The following EYS variants were observed in gnomAD, a reference collection of about 807,000 sequenced individuals.
EYS encodes the protein protein eyes shut homolog.
Under a neutral mutation model 282.1 loss-of-function variants are expected in EYS, and 250 were observed. The ratio of observed to expected loss-of-function variants is 0.89; its 90% confidence interval spans 0.80 to 0.98. The LOEUF (loss-of-function observed/expected upper bound fraction) is 0.98. Ranked by LOEUF, EYS falls within the 50% of genes least tolerant of loss-of-function variation. The pLI, the probability that EYS is intolerant of heterozygous loss-of-function variation, is 0.00. For synonymous variants in EYS, 1,355 were observed against 1,282.9 expected (o/e 1.06, Z -1.20); for missense variants, 4,016 against 3,709.0 (o/e 1.08, Z -2.15).
Position 64,113,767 on chromosome 6 carries a change from G to T in EYS, c.6425-31765C>A, listed in dbSNP as rs900973513. Among the ~76,000 whole-genome samples, 3 of 152,032 alleles carry T rather than the reference G, an allele frequency of 2.0e-5. No individual in the cohort carries two copies. The South Asian group carries it at 6.2e-4, about 32-fold the overall frequency. On this transcript the variant is annotated intron_variant, in intron 31 of 42. Transcript: ENST00000503581. ...GTACCGTATTTTAAATGTTATAATG[G>T]CTATATTCTTTTATATTTCAACTAG...
chr6:63,831,240 C>T (rs938409235), intron 36 of EYS, among the ~76,000 whole-genome samples: 1 of 152,214 alleles, frequency 6.6e-6, no homozygotes, highest in East Asian at 1.9e-4. Flanking sequence ...TGTAAATGGG[C>T]TAAATGCCCC....
In EYS at chr6:64,438,175, C is replaced by G. The variant is rs546123731; in HGVS notation, c.5835+987G>C. Among the ~76,000 whole-genome samples the G allele has an allele frequency of 1.8e-4, 27 of 151,732 alleles. No homozygotes were observed. The South Asian group carries it at 4.6e-3, about 26-fold the overall frequency. On this transcript the variant is annotated intron_variant, in intron 27 of 42. Coordinates refer to ENST00000503581, the MANE Select transcript of EYS (RefSeq NM_001142800.2). ...CATAACCTTGGACTTTTGAAAGGTTCTTATAACACTTACCAAGTGCAAAGT... is the reference window on the plus strand; with the variant it reads ...CATAACCTTGGACTTTTGAAAGGTTGTTATAACACTTACCAAGTGCAAAGT...
chr6:64,643,621 T>A (rs1231852173), intron 22 of EYS, among the ~76,000 whole-genome samples: 2 of 152,156 alleles, frequency 1.3e-5, no homozygotes, highest in Non-Finnish European at 2.9e-5. Flanking sequence ...CATCTTGAAT[T>A]GTAACTTCCA....
chr6:64,294,858 T>C (rs893799730), intron 30 of EYS, among the ~76,000 whole-genome samples: 19 of 152,182 alleles, frequency 1.2e-4, no homozygotes, highest in Admixed American at 1.0e-3. Flanking sequence ...ATGAATTACA[T>C]GCCTTTTTAA....
chr6:65,506,282 G>T (rs1225476252), intron 2 of EYS, among the ~76,000 whole-genome samples: 1 of 151,764 alleles, frequency 6.6e-6, no homozygotes, highest in South Asian at 2.1e-4. Context: ...TCTCCACTCT[G>T]ATAAGCAATT....
chr6:64,659,642 T>C lies in EYS; in HGVS notation c.3444-33397A>G, dbSNP rs1427034433. ...AATAAACTAGAAAATCCAGAATAAA[T>C]ATATAAATTCCTTGACACATACACC... On this transcript the variant is annotated intron_variant, in intron 22 of 42. Coordinates refer to ENST00000503581, the MANE Select transcript of EYS (RefSeq NM_001142800.2). 4.0e-5 allele frequency among the ~76,000 whole-genome samples: 6 copies of C among 151,884 alleles called. No individual in the cohort carries two copies. In the East Asian group the frequency reaches 1.2e-3, roughly 29 times the overall value.
At chr6:65,208,014 T>A (rs1225627136) in intron 12 of EYS, among the ~76,000 whole-genome samples, 2 of 151,616 alleles carry the variant, frequency 1.3e-5, no homozygotes, top group East Asian at 3.9e-4. Context: ...AATAGATAAC[T>A]GGGAATTAAA....
intron 28 of EYS, among the ~76,000 whole-genome samples, chr6:64,390,914 C>A: frequency 6.7e-6 from 1 of 148,678 alleles, no homozygotes; most frequent in African/African-American, 2.5e-5. Flanking sequence ...ATAACCAATA[C>A]AGAGAAGTGC....
chr6:64,685,756 G>A (rs1176398686), intron 22 of EYS, among the ~76,000 whole-genome samples: 1 of 152,112 alleles, frequency 6.6e-6, no homozygotes, highest in Admixed American at 6.5e-5. Flanking sequence ...TTACTTGTAA[G>A]AGACCCACAC....
intron 13 of EYS, among the ~76,000 whole-genome samples, chr6:65,045,687 CA>C (rs777522885): frequency 8.6e-5 from 13 of 151,758 alleles, no homozygotes; most frequent in Non-Finnish European, 1.8e-4. Context: ...AGAACCATGA[CA>C]AATATGTTTG....
chr6:64,535,798 A>G (rs1438805016), intron 26 of EYS, among the ~76,000 whole-genome samples: 1 of 152,136 alleles, frequency 6.6e-6, no homozygotes, highest in Non-Finnish European at 1.5e-5. Context: ...ACGGATTAAA[A>G]TGATTTTTCT....
chr6:64,172,457 C>T (rs1483936973), intron 31 of EYS, among the ~76,000 whole-genome samples: 5 of 152,062 alleles, frequency 3.3e-5, no homozygotes, highest in African/African-American at 7.2e-5. Context: ...CACGCGTGAG[C>T]GAAATCAACA....
chr6:64,515,102 T>A (rs929844267), intron 26 of EYS, among the ~76,000 whole-genome samples: 9 of 151,788 alleles, frequency 5.9e-5, no homozygotes, highest in African/African-American at 2.2e-4. Flanking sequence ...CAGTTACTTG[T>A]ACCTTGAAAA....
At chr6:65,460,574 C>G (rs1764796423) in intron 5 of EYS, among the ~76,000 whole-genome samples, 1 of 151,884 alleles carries the variant, frequency 6.6e-6, no homozygotes, top group Admixed American at 6.6e-5. Flanking sequence ...GAGATTAAAT[C>G]AAAATTAGTT....
At position 64,436,200 on chromosome 6, in the gene EYS, G is replaced by A. The variant is rs1024722910; in HGVS notation, c.5901C>T (p.Asn1967=). The change falls in exon 28 of 43, where the codon AAC becomes AAT. Residue 1967 remains asparagine, a synonymous_variant. Transcript: ENST00000503581. Reference sequence around the variant, plus strand: ...TGATAAGCAGTGTATACTTTTGCCCGTTGTCCACTCTAACAGTAGTATTAA... The same window carrying A: ...TGATAAGCAGTGTATACTTTTGCCCATTGTCCACTCTAACAGTAGTATTAA... ...KSINTTVRVD[N]GQKYTLLIRQ... The A allele has an allele frequency of 4.0e-5, 61 of 1,541,146 alleles. No individual in the cohort carries two copies. The highest frequency in any genetic ancestry group is 6.1e-5 in the South Asian group (5 of 82,538).
At chr6:64,674,456 A>G (rs1362522559) in intron 22 of EYS, among the ~76,000 whole-genome samples, 1 of 152,118 alleles carries the variant, frequency 6.6e-6, no homozygotes, top group Non-Finnish European at 1.5e-5. Context: ...AATTACTGTC[A>G]GTAAAATGAA....
intron 2 of EYS, among the ~76,000 whole-genome samples, chr6:65,584,073 A>G (rs1764957916): frequency 6.6e-6 from 1 of 152,078 alleles, no homozygotes; most frequent in Admixed American, 6.6e-5. Flanking sequence ...TATGACAAAT[A>G]GAGAAAAACA....
At chr6:64,655,469 T>A (rs1441633483) in intron 22 of EYS, among the ~76,000 whole-genome samples, 1 of 152,056 alleles carries the variant, frequency 6.6e-6, no homozygotes, top group African/African-American at 2.4e-5. Context: ...TGAGTCTTCT[T>A]AAGATCTATC....
At chr6:63,847,215 A>C (rs1355840011) in intron 36 of EYS, among the ~76,000 whole-genome samples, 2 of 152,224 alleles carry the variant, frequency 1.3e-5, no homozygotes, top group Non-Finnish European at 2.9e-5. Flanking sequence ...CTTTGGACTT[A>C]TATTTTGTTT....
Sources: gnomAD v4.1 joint callset for allele counts (sites outside exome capture counted in the v4.1 genomes callset) on GRCh38, gnomAD v4.1.1 for gene constraint, MANE v1.5 for transcripts, NCBI Gene and HGNC (gene_info 2026-07-23, HGNC 2026-07-21) for gene names.